Variants in NRG3 observed in about 807,000 individuals in gnomAD.
The protein encoded by NRG3 is pro-neuregulin-3, membrane-bound isoform.
Under a neutral mutation model 66.9 loss-of-function variants are expected in NRG3, and 31 were observed. The ratio of observed to expected loss-of-function variants is 0.46; its 90% CI spans 0.35 to 0.63. The LOEUF (loss-of-function observed/expected upper bound fraction) is 0.63, where lower values mean the gene tolerates loss of function less well. NRG3 is among the 20% of genes least tolerant of loss of function. NRG3 has a pLI of 0.00. For synonymous variants in NRG3, 393 were observed against 359.4 expected (o/e 1.09, Z -1.06); for missense variants, 910 against 878.9 (o/e 1.04, Z -0.45).
chr10:82,771,952 C>A (rs2059727905), intron 3 of NRG3, among the ~76,000 whole-genome samples: 1 of 152,052 alleles, frequency 6.6e-6, no homozygotes, highest in Non-Finnish European at 1.5e-5. Flanking sequence ...TTTATTTATT[C>A]TTCATCTAAA....
At chr10:82,561,103 C>G (rs533857950) in intron 2 of NRG3, among the ~76,000 whole-genome samples, 1 of 152,242 alleles carries the variant, frequency 6.6e-6, no homozygotes, top group Non-Finnish European at 1.5e-5. Flanking sequence ...AAGTGTCCAT[C>G]TCTTCCTATA....
chr10:82,629,262 TG>T (rs2049643187), intron 2 of NRG3, among the ~76,000 whole-genome samples: 1 of 152,202 alleles, frequency 6.6e-6, no homozygotes, highest in Non-Finnish European at 1.5e-5. Flanking sequence ...CCATTCTCCC[TG>T]AAGTCCATTA....
At chr10:82,034,345 A>G (rs923877490) in intron 1 of NRG3, among the ~76,000 whole-genome samples, 12 of 152,068 alleles carry the variant, frequency 7.9e-5, no homozygotes, top group Admixed American at 4.6e-4. Flanking sequence ...ATATGTTGGC[A>G]CCTGTATGTT....
intron 1 of NRG3, among the ~76,000 whole-genome samples, chr10:82,308,668 T>A (rs556355268): frequency 6.6e-6 from 1 of 152,304 alleles, no homozygotes; most frequent in African/African-American, 2.4e-5. Flanking sequence ...TTAGTTCAAG[T>A]ATTAATATGT....
At chr10:82,721,080 GTTT>G (rs2057287001) in intron 2 of NRG3, among the ~76,000 whole-genome samples, 1 of 112,086 alleles carries the variant, frequency 8.9e-6, no homozygotes, top group African/African-American at 3.3e-5. Context: ...TTATTTATTT[GTTT>G]TTGTTTGTTT....
chr10:82,529,255 G>A (rs1847025458), intron 2 of NRG3, among the ~76,000 whole-genome samples: 2 of 152,178 alleles, frequency 1.3e-5, no homozygotes, highest in Non-Finnish European at 2.9e-5. Context: ...TAGAGGCATC[G>A]GGCTTGTTGC....
chr10:82,659,863 T>C (rs1474982384), intron 2 of NRG3, among the ~76,000 whole-genome samples: 1 of 151,938 alleles, frequency 6.6e-6, no homozygotes, highest in Non-Finnish European at 1.5e-5. Flanking sequence ...GCACTGGTCA[T>C]ATAAGATGCC....
At chr10:82,540,090 G>C (rs1242372538) in intron 2 of NRG3, among the ~76,000 whole-genome samples, 1 of 151,006 alleles carries the variant, frequency 6.6e-6, no homozygotes, top group East Asian at 1.9e-4. Flanking sequence ...TCCTTATTTT[G>C]AACTTGGCAG....
chr10:82,678,302 TA>T (rs1490632078), intron 2 of NRG3, among the ~76,000 whole-genome samples: 3 of 151,894 alleles, frequency 2.0e-5, no homozygotes, highest in Admixed American at 6.6e-5. Context: ...CGAAGGGAGA[TA>T]GGGGTGGGAC....
chr10:82,416,847 A>G (rs776476276), intron 2 of NRG3, among the ~76,000 whole-genome samples: 1 of 152,090 alleles, frequency 6.6e-6, no homozygotes, highest in East Asian at 1.9e-4. Flanking sequence ...GGGCTGTGTA[A>G]TATTATGCAC....
chr10:82,300,019 C>A (rs185137810), intron 1 of NRG3, among the ~76,000 whole-genome samples: 3 of 152,054 alleles, frequency 2.0e-5, no homozygotes, highest in Admixed American at 6.6e-5. Flanking sequence ...CAGGAGTACA[C>A]GTGTACACGC....
intron 2 of NRG3, among the ~76,000 whole-genome samples, chr10:82,499,948 C>G (rs1843999211): frequency 1.3e-5 from 2 of 152,130 alleles, no homozygotes; most frequent in African/African-American, 4.8e-5. Context: ...GTACAAAACT[C>G]TCTGATTTCA....
At chr10:82,423,857 G>A (rs184359230) in intron 2 of NRG3, among the ~76,000 whole-genome samples, 334 of 151,992 alleles carry the variant, frequency 2.2e-3, no homozygotes, top group Non-Finnish European at 3.5e-3. Flanking sequence ...GTATGTATTT[G>A]TCTAGTATGG....
At chr10:82,131,561 C>T (rs1453021140) in intron 1 of NRG3, among the ~76,000 whole-genome samples, 1 of 151,800 alleles carries the variant, frequency 6.6e-6, no homozygotes, top group Non-Finnish European at 1.5e-5. Context: ...ATTATTTTTT[C>T]TATTTCTGTG....
intron 1 of NRG3, among the ~76,000 whole-genome samples, chr10:81,943,598 T>C (rs1848580789): frequency 6.6e-6 from 1 of 152,182 alleles, no homozygotes; most frequent in African/African-American, 2.4e-5. Context: ...GGGATCAATG[T>C]AAAGATACTC....
At chr10:82,156,698 G>C (rs924352688) in intron 1 of NRG3, among the ~76,000 whole-genome samples, 2 of 151,612 alleles carry the variant, frequency 1.3e-5, no homozygotes, top group African/African-American at 2.4e-5. Flanking sequence ...ACCTGCCAGA[G>C]TGCTTTGAAG....
intron 1 of NRG3, among the ~76,000 whole-genome samples, chr10:82,255,995 C>T (rs1401612325): frequency 6.6e-6 from 1 of 152,036 alleles, no homozygotes; most frequent in African/African-American, 2.4e-5. Context: ...GCAATCTCGT[C>T]TCACTGCAAC....
intron 4 of NRG3, among the ~76,000 whole-genome samples, chr10:82,928,830 G>A (rs1043265594): frequency 6.6e-6 from 1 of 152,072 alleles, no homozygotes; most frequent in Non-Finnish European, 1.5e-5. Context: ...CAGTGCATGT[G>A]TACCCATGCT....
At chr10:82,188,233 T>C (rs2073926491) in intron 1 of NRG3, among the ~76,000 whole-genome samples, 1 of 152,088 alleles carries the variant, frequency 6.6e-6, no homozygotes, top group African/African-American at 2.4e-5. Flanking sequence ...CTTCAATAAG[T>C]GGTGCTGGGC....
Sources: gnomAD v4.1 joint callset for allele counts (sites outside exome capture counted in the v4.1 genomes callset) on GRCh38, gnomAD v4.1.1 for gene constraint, MANE v1.5 for transcripts, NCBI Gene and HGNC (gene_info 2026-07-23, HGNC 2026-07-21) for gene names.